HTR1F: variants seen among roughly 807,000 people sequenced by gnomAD.
HTR1F encodes 5-hydroxytryptamine receptor 1F.
A neutral mutation model predicts 24.0 loss-of-function variants in HTR1F; 17 were observed. The ratio of observed to expected loss-of-function variants is 0.71; its 90% CI spans 0.48 to 1.06. The LOEUF (loss-of-function observed/expected upper bound fraction) is 1.06, where lower values mean the gene tolerates loss of function less well. Among genes scored for constraint, HTR1F ranks in the 50% least tolerant of loss-of-function variants. The pLI is 0.00. For missense variants in HTR1F, 391 were observed against 427.8 expected, an observed-to-expected ratio of 0.91 and a Z score of 0.76; for synonymous variants, 186 against 156.8, an observed-to-expected ratio of 1.19 and a Z score of -1.39.
At chr3:87,901,485 A>T (rs139036154) in intron 2 of HTR1F, among the ~76,000 whole-genome samples, 5 of 152,238 alleles carry the variant, frequency 3.3e-5, no homozygotes, top group African/African-American at 1.2e-4. Context: ...CAGGAGTGAG[A>T]AAAATACATT....
intron 2 of HTR1F, among the ~76,000 whole-genome samples, chr3:87,918,142 G>GA (rs1159715286): frequency 2.0e-5 from 3 of 151,842 alleles, no homozygotes; most frequent in South Asian, 2.1e-4. Context: ...CATAAATGCA[G>GA]AAAAAAGCAT....
chr3:87,844,076 A>C (rs1451609593), intron 2 of HTR1F, among the ~76,000 whole-genome samples: 1 of 149,096 alleles, frequency 6.7e-6, no homozygotes, highest in Non-Finnish European at 1.5e-5. Flanking sequence ...TGGTATTTCT[A>C]GTTCTAGATC....
At chr3:87,877,845 A>T (rs2107272556) in intron 2 of HTR1F, among the ~76,000 whole-genome samples, 2 of 152,318 alleles carry the variant, frequency 1.3e-5, no homozygotes, top group Middle Eastern at 3.4e-3. Flanking sequence ...AGGATAAGAG[A>T]ACGGGGAAAT....
At chr3:87,815,059 A>C (rs1360989114) in intron 1 of HTR1F, among the ~76,000 whole-genome samples, 1 of 152,106 alleles carries the variant, frequency 6.6e-6, no homozygotes, top group African/African-American at 2.4e-5. Context: ...ATGGTTCAGG[A>C]AAAGGAAGTC....
At chr3:87,976,781 T>G (rs1394665892) in intron 2 of HTR1F, among the ~76,000 whole-genome samples, 1 of 152,212 alleles carries the variant, frequency 6.6e-6, no homozygotes, top group Non-Finnish European at 1.5e-5. Context: ...TGCACGTAGT[T>G]AAATATCAAC....
At chr3:87,931,619 G>C (rs1249167943) in intron 2 of HTR1F, among the ~76,000 whole-genome samples, 1 of 152,004 alleles carries the variant, frequency 6.6e-6, no homozygotes, top group Non-Finnish European at 1.5e-5. Context: ...CTGAGGAATC[G>C]CCACACTGAC....
intron 1 of HTR1F, among the ~76,000 whole-genome samples, chr3:87,815,551 T>A (rs1313511886): frequency 6.6e-6 from 1 of 152,072 alleles, no homozygotes; most frequent in African/African-American, 2.4e-5. Context: ...AAAGAAAGCA[T>A]CATGACATTT....
chr3:87,942,458 G>C (rs1006395474), intron 2 of HTR1F, among the ~76,000 whole-genome samples: 40 of 152,226 alleles, frequency 2.6e-4, no homozygotes, highest in Admixed American at 6.5e-4. Flanking sequence ...ATCGGCTGGC[G>C]CTTGCCCCGG....
chr3:87,920,559 G>C (rs1253821569), intron 2 of HTR1F, among the ~76,000 whole-genome samples: 2 of 151,896 alleles, frequency 1.3e-5, no homozygotes, highest in Admixed American at 1.3e-4. Flanking sequence ...AAAACAGTAA[G>C]GTAGCTTTTG....
intron 2 of HTR1F, among the ~76,000 whole-genome samples, chr3:87,874,387 T>TA (rs1705624017): frequency 6.6e-6 from 1 of 152,114 alleles, no homozygotes; most frequent in African/African-American, 2.4e-5. Context: ...CAGTCCCACT[T>TA]ACCATAGCAT....
intron 2 of HTR1F, among the ~76,000 whole-genome samples, chr3:87,912,463 A>T (rs1213764595): frequency 6.6e-6 from 1 of 152,140 alleles, no homozygotes; most frequent in Non-Finnish European, 1.5e-5. Flanking sequence ...CATGGATAGA[A>T]AGAACCAATG....
intron 1 of HTR1F, among the ~76,000 whole-genome samples, chr3:87,794,982 C>CTTTT (rs57368229): frequency 7.7e-5 from 7 of 90,412 alleles, no homozygotes; most frequent in African/African-American, 1.4e-4. Context: ...TTATGACTGA[C>CTTTT]TTTTTTTTTT....
intron 2 of HTR1F, among the ~76,000 whole-genome samples, chr3:87,952,764 G>A (rs1290406072): frequency 4.6e-5 from 7 of 151,864 alleles, no homozygotes; most frequent in African/African-American, 1.7e-4. Context: ...CTTTCGGATG[G>A]TGAAAAGCAA....
At chr3:87,972,976 AC>A (rs1201112527) in intron 2 of HTR1F, among the ~76,000 whole-genome samples, 14 of 147,060 alleles carry the variant, frequency 9.5e-5, no homozygotes, top group African/African-American at 3.5e-4. Context: ...TTCAAGACCA[AC>A]CTGGCCAACT....
chr3:87,979,884 G>C (rs761892173), intron 2 of HTR1F, among the ~76,000 whole-genome samples: 1 of 152,248 alleles, frequency 6.6e-6, no homozygotes, highest in Non-Finnish European at 1.5e-5. Context: ...AGCAGCTTCT[G>C]CTGTGGGCGC....
chr3:87,970,027 G>C (rs150790235), intron 2 of HTR1F, among the ~76,000 whole-genome samples: 1 of 152,116 alleles, frequency 6.6e-6, no homozygotes, highest in Non-Finnish European at 1.5e-5. Flanking sequence ...AGGCCTCCCC[G>C]GCCACGTGGA....
At chr3:87,801,883 A>G (rs1703994814) in intron 1 of HTR1F, among the ~76,000 whole-genome samples, 1 of 152,202 alleles carries the variant, frequency 6.6e-6, no homozygotes, top group African/African-American at 2.4e-5. Flanking sequence ...CCTAGACATG[A>G]AAAGCCCTTA....
At chr3:87,935,880 T>A (rs1448466705) in intron 2 of HTR1F, among the ~76,000 whole-genome samples, 1 of 152,044 alleles carries the variant, frequency 6.6e-6, no homozygotes, top group East Asian at 1.9e-4. Context: ...AGATGGAGTC[T>A]CGCTCTGTCA....
At chr3:87,903,328 G>C (rs1185508764) in intron 2 of HTR1F, among the ~76,000 whole-genome samples, 15 of 150,672 alleles carry the variant, frequency 1.0e-4, no homozygotes, top group Admixed American at 6.6e-4. Context: ...TACCATCAGA[G>C]TGAACAGGCA....
Sources: allele counts gnomAD v4.1 joint callset (sites outside exome capture counted in the v4.1 genomes callset), GRCh38; gene constraint gnomAD v4.1.1; transcripts MANE v1.5; gene names NCBI Gene and HGNC (gene_info 2026-07-23, HGNC 2026-07-21).